The following MACROD2 variants were observed in gnomAD, a reference collection of about 807,000 sequenced individuals.
MACROD2 encodes the protein mono-ADP ribosylhydrolase 2, also known as ADP-ribose glycohydrolase MACROD2.
Under a neutral mutation model 70.4 loss-of-function variants are expected in MACROD2, and 36 were observed. The ratio of observed to expected loss-of-function variants is 0.51; its 90% CI spans 0.39 to 0.68. The LOEUF (loss-of-function observed/expected upper bound fraction) is 0.68. MACROD2 is among the 30% of genes least tolerant of loss of function. The pLI is 0.00. For missense variants in MACROD2, 496 were observed against 538.4 expected (o/e 0.92, Z 0.78); for synonymous variants, 172 against 178.8 (o/e 0.96, Z 0.30).
chr20:14,795,094 A>G (rs916951220), intron 5 of MACROD2, among the ~76,000 whole-genome samples: 7 of 152,188 alleles, frequency 4.6e-5, no homozygotes, highest in African/African-American at 1.7e-4. Context: ...GCCAATGCAC[A>G]GGGAGAGGAG....
At chr20:14,252,038 A>T (rs1471852956) in intron 3 of MACROD2, among the ~76,000 whole-genome samples, 1 of 152,114 alleles carries the variant, frequency 6.6e-6, no homozygotes, top group Non-Finnish European at 1.5e-5. Flanking sequence ...AGCACTGTCT[A>T]CCACTTAATC....
intron 5 of MACROD2, among the ~76,000 whole-genome samples, chr20:15,141,377 C>G (rs390493): frequency 6.7e-6 from 1 of 149,546 alleles, no homozygotes; most frequent in South Asian, 2.1e-4. Flanking sequence ...TACTCGCATA[C>G]ATACATATAG....
chr20:14,167,668 C>T (rs988127117), intron 3 of MACROD2, among the ~76,000 whole-genome samples: 6 of 152,106 alleles, frequency 3.9e-5, no homozygotes, highest in East Asian at 1.9e-4. Context: ...GGATTACAGG[C>T]GTGAGCCACC....
At chr20:15,700,009 T>G (rs371642250) in intron 8 of MACROD2, among the ~76,000 whole-genome samples, 2 of 152,128 alleles carry the variant, frequency 1.3e-5, no homozygotes, top group East Asian at 1.9e-4. Flanking sequence ...CAGAAATTTC[T>G]GCAAACAGAC....
At chr20:13,997,987 C>G (rs1377922976) in intron 1 of MACROD2, among the ~76,000 whole-genome samples, 3 of 151,996 alleles carry the variant, frequency 2.0e-5, no homozygotes, top group Admixed American at 1.3e-4. Flanking sequence ...TTGCAGCTGT[C>G]CTTTAAAGCT....
chr20:15,284,026 T>C (rs1178370312), intron 6 of MACROD2, among the ~76,000 whole-genome samples: 1 of 152,196 alleles, frequency 6.6e-6, no homozygotes, highest in Non-Finnish European at 1.5e-5. Flanking sequence ...TTCTAAAATA[T>C]AGAATAGTTT....
intron 6 of MACROD2, among the ~76,000 whole-genome samples, chr20:15,340,130 CTTTTTTTTTTTTT>C (rs869080087): frequency 5.1e-5 from 2 of 39,288 alleles, no homozygotes; most frequent in African/African-American, 2.2e-4. Flanking sequence ...TTCTTTCTTT[CTTTTTTTTTTTTT>C]TTTTTTTTTT....
At chr20:15,026,392 C>T (rs1438661119) in intron 5 of MACROD2, among the ~76,000 whole-genome samples, 1 of 152,020 alleles carries the variant, frequency 6.6e-6, no homozygotes, top group Non-Finnish European at 1.5e-5. Flanking sequence ...TAGATTTCCA[C>T]ACTAATTTAA....
At chr20:15,506,704 G>A (rs894331704) in intron 8 of MACROD2, among the ~76,000 whole-genome samples, 1 of 152,176 alleles carries the variant, frequency 6.6e-6, no homozygotes, top group Non-Finnish European at 1.5e-5. Flanking sequence ...TTTATGATGG[G>A]AAAATTATAT....
chr20:15,628,355 A>T (rs2146745673), intron 8 of MACROD2, among the ~76,000 whole-genome samples: 1 of 152,352 alleles, frequency 6.6e-6, no homozygotes, highest in East Asian at 1.9e-4. Flanking sequence ...AGCTGAGGCC[A>T]TATTGCTAGC....
intron 8 of MACROD2, among the ~76,000 whole-genome samples, chr20:15,650,165 GT>G (rs748769304): frequency 2.0e-5 from 3 of 152,214 alleles, no homozygotes; most frequent in Admixed American, 6.5e-5. Context: ...AAGGAATTAA[GT>G]AGGGAATGTG....
At chr20:14,832,639 A>G (rs952625321) in intron 5 of MACROD2, among the ~76,000 whole-genome samples, 3 of 152,176 alleles carry the variant, frequency 2.0e-5, no homozygotes. Context: ...GATTGTAAAT[A>G]CATACAATTT....
chr20:14,786,869 T>C lies in MACROD2; in HGVS notation c.418+101910T>C, dbSNP rs143694463. 8.0e-4 allele frequency among the ~76,000 whole-genome samples: 121 copies of C among 152,092 alleles called. 1 individual carries two copies. The highest frequency in any genetic ancestry group is 1.3e-3 in the Non-Finnish European group (88 of 67,984). On this transcript the variant is annotated intron_variant, in intron 5 of 17. Transcript: ENST00000684519. ...CTCTCTGTACCCTGAGGCCTCCAAA[T>C]ACGTATAAAGAAAGAGGCAATGTGG...
intron 3 of MACROD2, among the ~76,000 whole-genome samples, chr20:14,233,707 A>G (rs2081841747): frequency 7.0e-6 from 1 of 143,612 alleles, no homozygotes; most frequent in Non-Finnish European, 1.5e-5. Flanking sequence ...ACAAAAAAAA[A>G]AAAAAAGAAA....
At position 14,855,485 on chromosome 20, in the gene MACROD2, G is replaced by C. The variant is rs78267499; in HGVS notation, c.418+170526G>C. Among the ~76,000 whole-genome samples, 422 of 151,272 alleles carry C rather than the reference G, an allele frequency of 2.8e-3. 1 individual carries two copies. Among genetic ancestry groups the C allele is most frequent in the African/African-American group, 9.9e-3 (408 of 41,178 alleles). On this transcript the variant is annotated intron_variant, in intron 5 of 17. Coordinates refer to ENST00000684519, the MANE Select transcript of MACROD2 (RefSeq NM_001351661.2). ...TCTGACAGCATCATAATTTTCCACT[G>C]AATCTGTCCAAACAGTATTATACTC...
intron 6 of MACROD2, among the ~76,000 whole-genome samples, chr20:15,316,969 G>C (rs891326946): frequency 5.3e-5 from 8 of 151,860 alleles, no homozygotes; most frequent in African/African-American, 1.9e-4. Flanking sequence ...ATAAACCAAA[G>C]AAGAAATCAC....
intron 4 of MACROD2, among the ~76,000 whole-genome samples, chr20:14,592,530 C>T (rs977065816): frequency 2.6e-5 from 4 of 152,050 alleles, no homozygotes; most frequent in East Asian, 3.9e-4. Flanking sequence ...CTCAAGTGAT[C>T]CTCCTGCCTC....
At chr20:14,002,989 C>T (rs73900790) in intron 2 of MACROD2, among the ~76,000 whole-genome samples, 6,485 of 152,070 alleles carry the variant, frequency 0.043, 172 homozygotes, top group African/African-American at 0.074. Context: ...TAAAAAGGTA[C>T]GTGAAAAAGT....
chr20:14,369,063 A>G (rs1291812924), intron 3 of MACROD2, among the ~76,000 whole-genome samples: 2 of 152,130 alleles, frequency 1.3e-5, no homozygotes, highest in East Asian at 1.9e-4. Context: ...TACATGTCCT[A>G]TTTCCCAAGG....
Sources: allele counts gnomAD v4.1 joint callset (sites outside exome capture counted in the v4.1 genomes callset), GRCh38; gene constraint gnomAD v4.1.1; transcripts MANE v1.5; gene names NCBI Gene and HGNC (gene_info 2026-07-23, HGNC 2026-07-21).